ROBO2: variants seen among roughly 807,000 people sequenced by gnomAD.
ROBO2 encodes the protein roundabout homolog 2.
ROBO2 carries 53 observed loss-of-function variants against 160.8 expected under a neutral mutation model. The observed-to-expected ratio is 0.33, with a 90% CI of 0.26 to 0.41. The LOEUF (loss-of-function observed/expected upper bound fraction) is 0.41. Ranked by LOEUF, ROBO2 falls within the 10% of genes least tolerant of loss-of-function variation. The pLI is 1.00. For missense variants in ROBO2, 1,577 were observed against 1,722.4 expected (o/e 0.92, Z 1.49); for synonymous variants, 664 against 611.7 (o/e 1.09, Z -1.26).
At chr3:76,531,898 A>T (rs2082251228) in intron 2 of ROBO2, among the ~76,000 whole-genome samples, 2 of 152,178 alleles carry the variant, frequency 1.3e-5, no homozygotes, top group African/African-American at 4.8e-5. Context: ...CTCCCAAAAC[A>T]GGTTTATCAT....
chr3:77,279,384 A>C (rs1225210093), intron 2 of ROBO2, among the ~76,000 whole-genome samples: 2 of 152,136 alleles, frequency 1.3e-5, no homozygotes, highest in African/African-American at 4.8e-5. Flanking sequence ...CTGTGAGTTT[A>C]GTTAAGCTTG....
chr3:77,537,736 C>T (rs1169648694), intron 6 of ROBO2, among the ~76,000 whole-genome samples: 1 of 152,110 alleles, frequency 6.6e-6, no homozygotes, highest in African/African-American at 2.4e-5. Flanking sequence ...CTCCACATGG[C>T]TGGGGAGGCC....
chr3:76,660,710 T>C (rs2091779591), intron 2 of ROBO2, among the ~76,000 whole-genome samples: 1 of 152,174 alleles, frequency 6.6e-6, no homozygotes, highest in South Asian at 2.1e-4. Context: ...CATTAAGAGC[T>C]TAGTTGTTGA....
At chr3:76,201,553 G>A (rs1021538) in intron 2 of ROBO2, among the ~76,000 whole-genome samples, 148,175 of 152,274 alleles carry the variant, frequency 0.97, 72,220 homozygotes, top group East Asian at 1. Flanking sequence ...GTAAACAATT[G>A]CCAGCAAAAT....
chr3:76,704,732 A>C (rs909404138), intron 2 of ROBO2, among the ~76,000 whole-genome samples: 1 of 152,108 alleles, frequency 6.6e-6, no homozygotes, highest in Non-Finnish European at 1.5e-5. Context: ...TTAGATGACC[A>C]GTTACACTGG....
intron 2 of ROBO2, among the ~76,000 whole-genome samples, chr3:76,217,347 A>G (rs548495099): frequency 2.0e-5 from 3 of 152,308 alleles, no homozygotes; most frequent in East Asian, 3.9e-4. Flanking sequence ...GACACAAAAA[A>G]CCTTTCAAAA....
chr3:76,256,104 G>A (rs1706344175), intron 2 of ROBO2, among the ~76,000 whole-genome samples: 1 of 151,820 alleles, frequency 6.6e-6, no homozygotes, highest in African/African-American at 2.4e-5. Context: ...TTCAAGATTA[G>A]CCTGGGCAAC....
At chr3:76,212,291 G>A (rs902994328) in intron 2 of ROBO2, among the ~76,000 whole-genome samples, 10 of 151,926 alleles carry the variant, frequency 6.6e-5, no homozygotes, top group South Asian at 2.1e-4. Flanking sequence ...GCTTGCAATC[G>A]TATGGAGAAG....
chr3:76,387,536 CAATT>C (rs2076951212), intron 2 of ROBO2, among the ~76,000 whole-genome samples: 1 of 152,082 alleles, frequency 6.6e-6, no homozygotes, highest in Non-Finnish European at 1.5e-5. Flanking sequence ...ACATAATAGG[CAATT>C]AATAAATATT....
At chr3:77,040,937 T>C in intron 1 of ROBO2, 91 bp downstream of exon 1, 1 of 1,529,746 alleles carries the variant, frequency 6.5e-7, no homozygotes, top group Non-Finnish European at 9.0e-7. Context: ...GGGTTATAAA[T>C]GAAATGACAT....
intron 5 of ROBO2, among the ~76,000 whole-genome samples, chr3:77,494,708 A>G (rs2086571400): frequency 1.3e-5 from 2 of 152,232 alleles, no homozygotes; most frequent in Admixed American, 1.3e-4. Context: ...GTAATTTCCT[A>G]AATGTAAACA....
chr3:76,792,780 A>AC (rs2063451041), intron 2 of ROBO2, among the ~76,000 whole-genome samples: 1 of 151,736 alleles, frequency 6.6e-6, no homozygotes, highest in Non-Finnish European at 1.5e-5. Flanking sequence ...GTCAACCCAA[A>AC]CTTTTTTTCT....
At chr3:76,807,997 A>G (rs1023211367) in intron 2 of ROBO2, among the ~76,000 whole-genome samples, 1 of 152,090 alleles carries the variant, frequency 6.6e-6, no homozygotes, top group Non-Finnish European at 1.5e-5. Flanking sequence ...AAGTCAAAAT[A>G]TTAAAAGCTA....
intron 3 of ROBO2, among the ~76,000 whole-genome samples, chr3:77,478,735 A>G (rs1369168728): frequency 1.3e-5 from 2 of 152,208 alleles, no homozygotes; most frequent in Admixed American, 6.5e-5. Flanking sequence ...ATTGGTATCT[A>G]TTATCTTAAA....
At chr3:77,638,880 G>A (rs557383056) in intron 24 of ROBO2, among the ~76,000 whole-genome samples, 3 of 129,762 alleles carry the variant, frequency 2.3e-5, no homozygotes, top group Admixed American at 9.3e-5. Flanking sequence ...AGGCTGGAGT[G>A]CAATGGTGCG....
At chr3:77,452,533 T>C (rs1361625389) in intron 2 of ROBO2, among the ~76,000 whole-genome samples, 1 of 152,200 alleles carries the variant, frequency 6.6e-6, no homozygotes, top group Non-Finnish European at 1.5e-5. Context: ...TGGACACCAA[T>C]TATACATTCG....
intron 2 of ROBO2, among the ~76,000 whole-genome samples, chr3:77,302,850 T>G (rs2062779545): frequency 6.6e-6 from 1 of 152,176 alleles, no homozygotes; most frequent in Non-Finnish European, 1.5e-5. Flanking sequence ...ATTTCATCAT[T>G]TATTTCCCAC....
intron 2 of ROBO2, among the ~76,000 whole-genome samples, chr3:77,230,027 A>AT (rs1364315259): frequency 6.6e-6 from 1 of 151,684 alleles, no homozygotes; most frequent in Non-Finnish European, 1.5e-5. Flanking sequence ...TTATTAAGTG[A>AT]TTTTCTCTTG....
At chr3:77,025,282 G>A (rs2062896448) in intron 2 of ROBO2, among the ~76,000 whole-genome samples, 1 of 152,112 alleles carries the variant, frequency 6.6e-6, no homozygotes, top group African/African-American at 2.4e-5. Context: ...CCTGCTATCA[G>A]CTCATAAGAC....
Sources: gnomAD v4.1 joint callset for allele counts (sites outside exome capture counted in the v4.1 genomes callset) on GRCh38, gnomAD v4.1.1 for gene constraint, MANE v1.5 for transcripts, NCBI Gene and HGNC (gene_info 2026-07-23, HGNC 2026-07-21) for gene names.